Variants in AASS observed in about 807,000 individuals in gnomAD.
The protein encoded by AASS is alpha-aminoadipic semialdehyde synthase, mitochondrial.
A neutral mutation model predicts 105.4 loss-of-function variants in AASS; 86 were observed. That is an observed-to-expected ratio of 0.82 (90% CI 0.69 to 0.98). AASS has a LOEUF of 0.98. AASS is among the 50% of genes least tolerant of loss of function. The pLI is 0.00. For synonymous variants in AASS, 381 were observed against 394.8 expected (o/e 0.96, Z 0.41); for missense variants, 1,048 against 1,143.2 (o/e 0.92, Z 1.20).
intron 11 of AASS, among the ~76,000 whole-genome samples, chr7:122,111,699 C>T (rs903889434): frequency 1.4e-4 from 22 of 151,946 alleles, no homozygotes; most frequent in African/African-American, 4.8e-4. Flanking sequence ...GTCAGGAGTT[C>T]AAGACCAGCC....
intron 11 of AASS, among the ~76,000 whole-genome samples, chr7:122,105,718 C>A (rs535133921): frequency 6.6e-6 from 1 of 151,960 alleles, no homozygotes; most frequent in East Asian, 1.9e-4. Context: ...CTATGGGATA[C>A]AGCAAAAGCA....
intron 2 of AASS, among the ~76,000 whole-genome samples, chr7:122,129,769 A>ATATG (rs1398321681): frequency 6.6e-6 from 1 of 152,152 alleles, no homozygotes; most frequent in Non-Finnish European, 1.5e-5. Flanking sequence ...ATATATATAT[A>ATATG]TATGTATGTT....
rs767476079 is a variant in AASS, at chr7:122,133,836, G to A, written c.-15-95C>T. The A allele has an allele frequency of 2.2e-5, 23 of 1,058,126 alleles. 1 individual carries two copies. The highest frequency in any genetic ancestry group is 3.0e-5 in the Non-Finnish European group (21 of 689,298). 65.5% of individuals were successfully genotyped at this position (1,058,126 alleles called of 1,614,324 possible). On this transcript the variant is annotated intron_variant, in intron 1 of 23. Transcript: ENST00000417368. ...AGAAATCTGAGGTAAAATACAACCC[G>A]CTCTTATGAAAACAGACACAAGGTA...
At chr7:122,123,694 A>G (rs1415792288) in intron 4 of AASS, among the ~76,000 whole-genome samples, 1 of 152,132 alleles carries the variant, frequency 6.6e-6, no homozygotes, top group Non-Finnish European at 1.5e-5. Context: ...GAAAATAGCA[A>G]CCTGAAGGGT....
chr7:122,084,239 A>G (rs1029841756), intron 19 of AASS, among the ~76,000 whole-genome samples: 1 of 152,184 alleles, frequency 6.6e-6, no homozygotes, highest in African/African-American at 2.4e-5. Flanking sequence ...TAGCTCCTAG[A>G]TCTCGGTAGG....
intron 11 of AASS, among the ~76,000 whole-genome samples, chr7:122,103,034 C>T (rs1794503145): frequency 6.6e-6 from 1 of 151,802 alleles, no homozygotes; most frequent in South Asian, 2.1e-4. Flanking sequence ...AAATGTAAAA[C>T]TTTAAAATTA....
At chr7:122,142,777 T>C (rs540941214) in intron 1 of AASS, among the ~76,000 whole-genome samples, 2 of 152,244 alleles carry the variant, frequency 1.3e-5, no homozygotes, top group East Asian at 3.9e-4. Flanking sequence ...AAAGAATATA[T>C]GAAAAAAATG....
At chr7:122,113,287 T>G in intron 10 of AASS, 58 bp from the exon 11 acceptor site, 1 of 1,442,078 alleles carries the variant, frequency 6.9e-7, no homozygotes, top group Non-Finnish European at 9.7e-7. Flanking sequence ...AAGTTCTGAC[T>G]TTTCCAGATG....
At chr7:122,097,868 G>T (rs547895071) in intron 15 of AASS, among the ~76,000 whole-genome samples, 5 of 151,948 alleles carry the variant, frequency 3.3e-5, no homozygotes, top group Admixed American at 1.3e-4. Context: ...TTAGTGAAAT[G>T]GTCACTAAAA....
intron 1 of AASS, among the ~76,000 whole-genome samples, chr7:122,136,864 CCTT>C (rs1426125663): frequency 6.6e-6 from 1 of 152,206 alleles, no homozygotes; most frequent in East Asian, 1.9e-4. Context: ...AATCCCTGCT[CCTT>C]CTCCCACCAC....
chr7:122,121,893 T>C lies in AASS; in HGVS notation c.473-3263A>G, dbSNP rs1795455470. ...TTAATCTTCATTTTCTAGAAAGATG[T>C]CCAGAAAGATATTGAAAAGATATTG... On this transcript the variant is annotated intron_variant, in intron 4 of 23. Transcript: ENST00000417368. 7.9e-5 allele frequency among the ~76,000 whole-genome samples: 12 copies of C among 152,170 alleles called. No individual in the cohort carries two copies. In the South Asian group the frequency reaches 2.1e-3, roughly 26 times the overall value.
At chr7:122,126,144 AGTT>A (rs1180580622) in intron 4 of AASS, among the ~76,000 whole-genome samples, 1 of 152,182 alleles carries the variant, frequency 6.6e-6, no homozygotes, top group African/African-American at 2.4e-5. Flanking sequence ...GCTTGTTTGT[AGTT>A]GTTATCCTTC....
chr7:122,078,971 C>T (rs755504116), intron 21 of AASS, 21 bp from the exon 22 acceptor site: 31 of 1,613,830 alleles, frequency 1.9e-5, no homozygotes, highest in Non-Finnish European at 1.9e-5. Flanking sequence ...CAGGAGATGG[C>T]TGCATTAGTT....
At position 122,118,381 on chromosome 7, in the gene AASS, T is replaced by A. The variant is rs147034804; in HGVS notation, c.613A>T (p.Ile205Leu). 1.3e-3 allele frequency: 2,056 copies of A among 1,614,062 alleles called. 1 individual carries two copies. The highest frequency in any genetic ancestry group is 1.6e-3 in the Non-Finnish European group (1,872 of 1,180,032). ...GACTTAGGCATCAAACCCAAAGATA[T>A]TTCATAGCCAGCATCACGGACAGCT... is the stretch of plus-strand genomic sequence containing the variant. ...VQAVRDAGYE[I>L]SLGLMPKSIG... Residue 205 changes from isoleucine (I) to leucine (L), a missense_variant, in exon 6 of 24, where the codon ATA (isoleucine) becomes TTA (leucine). By Grantham distance (5) the Ile-to-Leu change is conservative. Coordinates refer to ENST00000417368, the MANE Select transcript of AASS (RefSeq NM_005763.4).
Position 122,101,756 on chromosome 7 carries a change from A to G in AASS, c.1279-76T>C, listed in dbSNP as rs1166742840. 3.7e-6 allele frequency: 4 copies of G among 1,083,072 alleles called. No homozygotes were observed. In the African/African-American group the frequency reaches 6.3e-5, roughly 17 times the overall value. The allele number at this position is 1,083,072 out of a possible 1,614,324, so 67.1% of individuals were successfully genotyped here. On this transcript the variant is annotated intron_variant, in intron 11 of 23. Coordinates refer to ENST00000417368, the MANE Select transcript of AASS (RefSeq NM_005763.4). ...CTCTTGGTGTTTGTATCCATATTAA[A>G]ATATTAATCAAGGGAAAAAAATAAT...
In AASS at chr7:122,115,095, C is replaced by G. The variant is rs1210787371; in HGVS notation, c.1022G>C (p.Gly341Ala). ...TTACTTGTGTGGTAATGCAGGGCAG[C>G]CTTCCACACCAGCAGGTGAGAACTT... ...PGKFSPAGVE[G>A]CPALPHKLVA... is the part of the protein sequence containing the mutation. Residue 341 changes from glycine to alanine, a missense_variant, in exon 9 of 24, where the codon GGC (glycine) becomes GCC (alanine). Physicochemically the swap from Gly to Ala is moderately conservative, Grantham distance 60 (BLOSUM62 0). Coordinates refer to ENST00000417368, the MANE Select transcript of AASS (RefSeq NM_005763.4). 8 of 1,613,972 alleles carry G rather than the reference C, an allele frequency of 5.0e-6. 1 individual carries two copies. The South Asian group carries it at 6.6e-5, about 13-fold the overall frequency.
chr7:122,111,632 G>A lies in AASS; in HGVS notation c.1278+1486C>T, dbSNP rs1223756681. 3.9e-5 allele frequency among the ~76,000 whole-genome samples: 6 copies of A among 152,218 alleles called. 1 individual carries two copies. The South Asian group carries it at 6.2e-4, about 16-fold the overall frequency. The stretch of plus-strand genomic sequence containing the variant: ...AGATTATGTATTCGTGGCTGGGCGC[G>A]GTGGCTCACGCCTGTAATACCAGCA... On this transcript the variant is annotated intron_variant, in intron 11 of 23. Coordinates refer to ENST00000417368, the MANE Select transcript of AASS (RefSeq NM_005763.4).
At chr7:122,100,939 A>G (rs141537843) in intron 13 of AASS, among the ~76,000 whole-genome samples, 1 of 151,874 alleles carries the variant, frequency 6.6e-6, no homozygotes, top group Admixed American at 6.6e-5. Context: ...CCACGAATTC[A>G]CTTCCCTGAA....
At chr7:122,078,719 G>T in intron 22 of AASS, 143 bp downstream of exon 22, 1 of 758,304 alleles carries the variant, frequency 1.3e-6, no homozygotes, top group South Asian at 1.5e-5. Context: ...CCTCCCTCTG[G>T]AAAAATAGTC....
Sources: allele counts gnomAD v4.1 joint callset (sites outside exome capture counted in the v4.1 genomes callset), GRCh38; gene constraint gnomAD v4.1.1; transcripts MANE v1.5; gene names NCBI Gene and HGNC (gene_info 2026-07-23, HGNC 2026-07-21).